DMD: variants seen among roughly 807,000 people sequenced by gnomAD.
DMD encodes the protein mutant dystrophin.
A neutral mutation model predicts 330.1 loss-of-function variants in DMD; 63 were observed. The ratio of observed to expected loss-of-function variants is 0.19; its 90% CI spans 0.16 to 0.24. The LOEUF (loss-of-function observed/expected upper bound fraction) is 0.24. Among genes scored for constraint, DMD ranks in the 10% least tolerant of loss-of-function variants. The pLI is 1.00. For synonymous variants in DMD, 1,223 were observed against 959.8 expected, an observed-to-expected ratio of 1.27 and a Z score of -5.07; for missense variants, 3,344 against 2,684.1, an observed-to-expected ratio of 1.25 and a Z score of -5.43.
At chrX:32,478,592 T>C (rs1186641264) in intron 21 of DMD, among the ~76,000 whole-genome samples, 1 of 112,078 alleles carries the variant, frequency 8.9e-6, no homozygotes. Flanking sequence ...TGAGTATAAC[T>C]TGAATTTCTA....
intron 44 of DMD, among the ~76,000 whole-genome samples, chrX:32,168,905 G>A (rs1921367): frequency 9.0e-5 from 10 of 111,127 alleles, no homozygotes; most frequent in Non-Finnish European, 1.7e-4. Flanking sequence ...GCCATAGTTC[G>A]TCTGTCCACA....
chrX:31,157,227 G>C (rs1314374943), intron 74 of DMD, among the ~76,000 whole-genome samples: 1 of 112,110 alleles, frequency 8.9e-6, no homozygotes, highest in Non-Finnish European at 1.9e-5. Context: ...CCAAGAGACA[G>C]AACATGACAA....
intron 47 of DMD, among the ~76,000 whole-genome samples, chrX:31,911,193 GC>G (rs755327662): frequency 5.3e-5 from 6 of 112,245 alleles, no homozygotes; most frequent in African/African-American, 1.3e-4. Flanking sequence ...ACATTTTAAG[GC>G]CCTGAGGGGA....
intron 15 of DMD, among the ~76,000 whole-genome samples, chrX:32,566,292 G>A (rs2149097861): frequency 8.9e-6 from 1 of 112,093 alleles, no homozygotes; most frequent in South Asian, 3.7e-4. Context: ...CAGGTACCAG[G>A]AGTACTGAAG....
intron 16 of DMD, among the ~76,000 whole-genome samples, chrX:32,561,359 A>G (rs758379082): frequency 3.0e-4 from 33 of 111,441 alleles, no homozygotes; most frequent in Non-Finnish European, 5.3e-4. Flanking sequence ...TCCACAATGA[A>G]ATCACATTGT....
In DMD at chrX:31,408,885, T is replaced by C. The variant is rs181051021; in HGVS notation, c.9084+35596A>G. On this transcript the variant is annotated intron_variant, in intron 60 of 78. Transcript: ENST00000357033. ...GTGCCATGCTGGTGTGCTGCACCCA[T>C]TAACTCATCATTTAGCGTTACGTAT... Among the ~76,000 whole-genome samples, 4 of 111,911 alleles carry C rather than the reference T, an allele frequency of 3.6e-5. No homozygotes were observed. The Admixed American group carries it at 3.8e-4, about 11-fold the overall frequency.
chrX:31,487,295 G>A (rs749371300), intron 57 of DMD, among the ~76,000 whole-genome samples: 1 of 105,049 alleles, frequency 9.5e-6, no homozygotes, highest in African/African-American at 3.5e-5. Context: ...GTCTCGCTCT[G>A]TCACTCAGGC....
At chrX:32,297,028 G>T (rs1281342814) in intron 42 of DMD, among the ~76,000 whole-genome samples, 1 of 110,085 alleles carries the variant, frequency 9.1e-6, no homozygotes, top group Non-Finnish European at 1.9e-5. Context: ...CACTCACTTA[G>T]TAATAGCTTC....
chrX:31,177,975 A>G lies in DMD; in HGVS notation c.10224-5T>C, dbSNP rs768272792. On this transcript the variant is annotated splice_polypyrimidine_tract_variant and splice_region_variant and intron_variant, in intron 70 of 78. Transcript: ENST00000357033. ...AAGTTGATCAGAGTAACGGGACTGC[A>G]AAACAAAAAATGAGGTGGTGAAGGA... The G allele has an allele frequency of 1.0e-5, 12 of 1,203,658 alleles. No individual in the cohort carries two copies. In the South Asian group the frequency reaches 1.8e-4, roughly 18 times the overall value.
intron 2 of DMD, among the ~76,000 whole-genome samples, chrX:32,943,962 C>T (rs1405521190): frequency 9.0e-6 from 1 of 110,681 alleles, no homozygotes; most frequent in Non-Finnish European, 1.9e-5. Context: ...TTAGAGCGTC[C>T]CTCACCCAAA....
chrX:33,099,811 C>T (rs1015735304), intron 1 of DMD, among the ~76,000 whole-genome samples: 11 of 111,250 alleles, frequency 9.9e-5, no homozygotes, highest in Non-Finnish European at 1.5e-4. Context: ...ATAAAGACAA[C>T]GTGTACTGTA....
chrX:33,001,930 G>A (rs5928140), intron 2 of DMD, among the ~76,000 whole-genome samples: 42,923 of 109,291 alleles, frequency 0.39, 6,396 homozygotes, highest in East Asian at 0.49. Context: ...TAAAAATATA[G>A]GCATCAACAT....
At chrX:32,040,813 G>T (rs2095995082) in intron 44 of DMD, among the ~76,000 whole-genome samples, 1 of 111,421 alleles carries the variant, frequency 9.0e-6, no homozygotes, top group African/African-American at 3.3e-5. Context: ...CTGAAAAGCT[G>T]CATGGGCCAT....
intron 30 of DMD, among the ~76,000 whole-genome samples, chrX:32,410,044 G>A (rs1860463559): frequency 9.0e-6 from 1 of 111,402 alleles, no homozygotes; most frequent in Non-Finnish European, 1.9e-5. Context: ...ACGGACTTAG[G>A]AATAGTTAAT....
chrX:32,038,653 A>T (rs928342669), intron 44 of DMD, among the ~76,000 whole-genome samples: 3 of 110,598 alleles, frequency 2.7e-5, no homozygotes, highest in African/African-American at 9.9e-5. Flanking sequence ...TCAATCTAGA[A>T]TCACACACTA....
At position 31,121,888 on chromosome X, in the gene DMD, C is replaced by T. The variant is rs755470544; in HGVS notation, c.*31G>A. On this transcript the variant is annotated 3_prime_UTR_variant, in exon 79 of 79. Coordinates refer to ENST00000357033, the MANE Select transcript of DMD (RefSeq NM_004006.3). Reference sequence around the variant, plus strand: ...TGATACTAAGGACTCCATCGCTCTGCCCAAATCATCTGCCATGTGGAAAAG... The same window carrying T: ...TGATACTAAGGACTCCATCGCTCTGTCCAAATCATCTGCCATGTGGAAAAG... 8.3e-7 allele frequency: 1 copy of T among 1,207,455 alleles called. No individual in the cohort carries two copies. The highest frequency in any genetic ancestry group is 1.8e-5 in the South Asian group (1 of 56,922).
At chrX:33,324,050 T>A (rs894041694) in intron 1 of DMD, among the ~76,000 whole-genome samples, 1 of 110,917 alleles carries the variant, frequency 9.0e-6, no homozygotes, top group Non-Finnish European at 1.9e-5. Context: ...CAAATATACT[T>A]CCCTGTCAGA....
At chrX:32,540,199 C>T (rs1001470120) in intron 17 of DMD, among the ~76,000 whole-genome samples, 2 of 111,108 alleles carry the variant, frequency 1.8e-5, no homozygotes, top group Admixed American at 9.6e-5. Flanking sequence ...GAGTTCCTTA[C>T]TCTGATAATT....
At chrX:32,746,363 C>T (rs954666055) in intron 7 of DMD, among the ~76,000 whole-genome samples, 1 of 111,957 alleles carries the variant, frequency 8.9e-6, no homozygotes, top group Admixed American at 9.5e-5. Flanking sequence ...TCTACACCAT[C>T]CAGCAGAATC....
Sources: allele counts gnomAD v4.1 joint callset (sites outside exome capture counted in the v4.1 genomes callset), GRCh38; gene constraint gnomAD v4.1.1; transcripts MANE v1.5; gene names NCBI Gene and HGNC (gene_info 2026-07-23, HGNC 2026-07-21).